The following MEAK7 variants were observed in gnomAD, a reference collection of about 807,000 sequenced individuals.
The protein encoded by MEAK7 is MTOR-associated protein MEAK7.
A neutral mutation model predicts 40.5 loss-of-function variants in MEAK7; 68 were observed. That is an observed-to-expected ratio of 1.68 (90% CI 1.38 to 2.06). The LOEUF is 2.06. MEAK7 is among the 30% of genes most tolerant of loss of function. The probability of loss-of-function intolerance (pLI) is 0.00; values close to 1 mark genes in which losing one functional copy is unlikely to be tolerated. For synonymous variants in MEAK7, 338 were observed against 231.9 expected (o/e 1.46, Z -4.16); for missense variants, 918 against 580.5 (o/e 1.58, Z -5.98).
rs1174972550 is a variant in MEAK7, at chr16:84,477,454, G to C, written c.*2459C>G. ...GATCCGCCTACCTCGGCCTCCCAAA[G>C]TGCTGGGATTACAGGCGTGAGCCAC... On this transcript the variant is annotated 3_prime_UTR_variant, in exon 8 of 8. Coordinates refer to ENST00000343629, the MANE Select transcript of MEAK7 (RefSeq NM_020947.4). 2 of 150,974 alleles carry C rather than the reference G, an allele frequency of 1.3e-5. No homozygotes were observed. The highest frequency in any genetic ancestry group is 3.0e-5 in the Non-Finnish European group (2 of 67,770). 9.4% of individuals were successfully genotyped at this position (150,974 alleles called of 1,614,324 possible).
chr16:84,494,692 C>T (rs900495532), intron 3 of MEAK7: 3 of 392,266 alleles, frequency 7.6e-6, no homozygotes, highest in Non-Finnish European at 1.5e-5. Flanking sequence ...CTTCACGGGA[C>T]ATGAGACTTC....
chr16:84,499,352 C>A (rs1043009783), intron 1 of MEAK7, among the ~76,000 whole-genome samples: 2 of 152,174 alleles, frequency 1.3e-5, no homozygotes, highest in Admixed American at 6.5e-5. Context: ...TTCTCCCACA[C>A]AGGCACCTTG....
At chr16:84,504,489 C>A in intron 1 of MEAK7, 112 bp downstream of exon 1, 1 of 668,356 alleles carries the variant, frequency 1.5e-6, no homozygotes, top group South Asian at 6.6e-5. Context: ...CGTGGGAGGC[C>A]AGGGAGGGGC....
chr16:84,489,877 T>C (rs988279954), intron 3 of MEAK7, among the ~76,000 whole-genome samples: 3 of 152,198 alleles, frequency 2.0e-5, no homozygotes, highest in African/African-American at 7.2e-5. Context: ...AAGCAACTGC[T>C]TTCTGGAGTT....
rs767247336 is a variant in MEAK7, at chr16:84,497,684, G to A, written c.153+250C>T. 4.6e-5 allele frequency: 68 copies of A among 1,469,038 alleles called. 2 individuals are homozygous for A. Among genetic ancestry groups the A allele is most frequent in the Middle Eastern group, 2.2e-4 (1 of 4,596 alleles). The allele number at this position is 1,469,038 out of a possible 1,614,324, so 91.0% of individuals were successfully genotyped here. ...ATAAGAGACTATTGATTTCAAAAACGGGGAGGGATGCGTTTAGACACTGTC... is the reference window on the plus strand; with the variant it reads ...ATAAGAGACTATTGATTTCAAAAACAGGGAGGGATGCGTTTAGACACTGTC... On this transcript the variant is annotated intron_variant, in intron 2 of 7. Transcript: ENST00000343629.
At chr16:84,485,150 T>G (rs972098414) in intron 5 of MEAK7, among the ~76,000 whole-genome samples, 2 of 152,006 alleles carry the variant, frequency 1.3e-5, no homozygotes, top group African/African-American at 2.4e-5. Context: ...CAGGGCAAGG[T>G]GGGTGTGCAG....
chr16:84,487,269 A>C (rs1225945832), intron 4 of MEAK7: 7 of 528,316 alleles, frequency 1.3e-5, no homozygotes, highest in South Asian at 3.1e-5. Flanking sequence ...AAAATATCTC[A>C]ATTTTTAAAT....
chr16:84,486,577 G>C, intron 5 of MEAK7, 54 bp downstream of exon 5: 2 of 1,528,310 alleles, frequency 1.3e-6, no homozygotes, highest in Non-Finnish European at 1.8e-6. Flanking sequence ...CCTTTCTCCA[G>C]AGCTCTTTGC....
At chr16:84,481,995 G>T (rs1023355555) in intron 6 of MEAK7, among the ~76,000 whole-genome samples, 3 of 152,176 alleles carry the variant, frequency 2.0e-5, no homozygotes, top group African/African-American at 7.2e-5. Flanking sequence ...ATCAGCAGGG[G>T]AGCTGGCAGG....
rs1454628850 is a variant in MEAK7 at position 84,489,332 on chromosome 16, T to G, written c.475A>C (p.Asn159His). Reference protein sequence around the residue: ...GWTGKEAPGPNPRVQVLAAQL... With the variant: ...GWTGKEAPGPHPRVQVLAAQL... ...GCAGCCAGCACCTGCACCCGGGGGT[T>G]GGGCCCTGGGGCTTCCTTCCCAGTC... Residue 159 changes from asparagine (N) to histidine (H), a missense_variant, in exon 4 of 8, where the codon AAC (asparagine) becomes CAC (histidine). Physicochemically the swap from Asn to His is moderately conservative, Grantham distance 68. Coordinates refer to ENST00000343629, the MANE Select transcript of MEAK7 (RefSeq NM_020947.4). The G allele has an allele frequency of 4.3e-6, 7 of 1,614,076 alleles. No individual in the cohort carries two copies. In the African/African-American group the frequency reaches 6.7e-5, roughly 15 times the overall value.
intron 2 of MEAK7, 107 bp from the exon 3 acceptor site, chr16:84,496,020 G>A (rs531314454): frequency 7.9e-7 from 1 of 1,260,506 alleles, no homozygotes; most frequent in Non-Finnish European, 1.1e-6. Flanking sequence ...TCCTTGGGAA[G>A]TTTTCGTTTT....
At chr16:84,498,349 G>C (rs558300477) in intron 1 of MEAK7, among the ~76,000 whole-genome samples, 10 of 152,204 alleles carry the variant, frequency 6.6e-5, no homozygotes, top group African/African-American at 2.4e-4. Context: ...GCTCCCTGCA[G>C]CCTCAACCTC....
intron 3 of MEAK7, among the ~76,000 whole-genome samples, chr16:84,491,812 C>T (rs1362927516): frequency 6.9e-6 from 1 of 145,020 alleles, no homozygotes; most frequent in South Asian, 2.2e-4. Context: ...ACTCCAGCCT[C>T]GGTGAAGGCG....
At chr16:84,497,449 G>A (rs570464180) in intron 2 of MEAK7, 7 of 1,289,522 alleles carry the variant, frequency 5.4e-6, no homozygotes, top group African/African-American at 1.5e-5. Flanking sequence ...CACCTGACAC[G>A]TCATGGTTCC....
At position 84,490,150 on chromosome 16, in the gene MEAK7, C is replaced by T. The variant is rs562588441; in HGVS notation, c.385-728G>A. ...GCTGAACTGTTTTTATTTGTGGCTT[C>T]TGTTTTTATTGTTTCAGTCTTTTTC... On this transcript the variant is annotated intron_variant, in intron 3 of 7. Coordinates refer to ENST00000343629, the MANE Select transcript of MEAK7 (RefSeq NM_020947.4). 2.0e-5 allele frequency among the ~76,000 whole-genome samples: 3 copies of T among 152,148 alleles called. No homozygotes were observed. In the South Asian group the frequency reaches 6.2e-4, roughly 31 times the overall value.
intron 3 of MEAK7, among the ~76,000 whole-genome samples, chr16:84,493,250 C>T (rs1167347987): frequency 6.6e-6 from 1 of 152,160 alleles, no homozygotes; most frequent in Non-Finnish European, 1.5e-5. Flanking sequence ...CATGGCTGTT[C>T]TAAGACTTTT....
At chr16:84,497,777 C>G (rs1914174152) in intron 2 of MEAK7, 157 bp downstream of exon 2, 3 of 1,316,938 alleles carry the variant, frequency 2.3e-6, no homozygotes, top group Non-Finnish European at 3.2e-6. Context: ...GCTCACAAAG[C>G]CAAAACTAGG....
rs1913260652 is a variant in MEAK7, at chr16:84,488,199, T to C, written c.529+1079A>G. The C allele has an allele frequency of 2.6e-5, 4 of 152,228 alleles. No homozygotes were observed. In the South Asian group the frequency reaches 8.3e-4, roughly 32 times the overall value. 9.4% of individuals were successfully genotyped at this position (152,228 alleles called of 1,614,324 possible). A position where few individuals can be genotyped will look rare whatever the true frequency, so the allele number is the denominator to read the frequency against. ...CTGAAAACTTTAATTTTTATTTTCATGATTCTTCTTTTAAAACATACTGAT... is the reference window on the plus strand; with the variant it reads ...CTGAAAACTTTAATTTTTATTTTCACGATTCTTCTTTTAAAACATACTGAT... On this transcript the variant is annotated intron_variant, in intron 4 of 7. Coordinates refer to ENST00000343629, the MANE Select transcript of MEAK7 (RefSeq NM_020947.4).
Position 84,489,419 on chromosome 16 carries a change from T to G in MEAK7, c.388A>C (p.Thr130Pro). The change falls in exon 4 of 8, where the codon ACA (threonine) becomes CCA (proline). Residue 130 changes from threonine (T) to proline (P), a missense_variant. Transcript: ENST00000343629. The stretch of plus-strand genomic sequence containing the variant: ...ACCACAGAGCCAACCAGATCCTCTG[T>G]AAACTGTAAGATCACAATTTTACCA... Reference protein sequence around the residue: ...PVKAREVQKFTEDLVGSVVHV... With the variant: ...PVKAREVQKFPEDLVGSVVHV... The G allele has an allele frequency of 6.2e-7, 1 of 1,609,034 alleles. No homozygotes were observed. Among genetic ancestry groups the G allele is most frequent in the South Asian group, 1.1e-5 (1 of 90,526 alleles).
Sources: allele counts gnomAD v4.1 joint callset (sites outside exome capture counted in the v4.1 genomes callset), GRCh38; gene constraint gnomAD v4.1.1; transcripts MANE v1.5; gene names NCBI Gene and HGNC (gene_info 2026-07-23, HGNC 2026-07-21).